Variants in ARPC4 observed in about 807,000 individuals in gnomAD.
ARPC4 encodes the protein actin-related protein 2/3 complex subunit 4.
ARPC4 carries 3 observed loss-of-function variants against 22.8 expected under a neutral mutation model. The observed-to-expected ratio is 0.13, with a 90% CI of 0.06 to 0.34. The LOEUF (loss-of-function observed/expected upper bound fraction) is 0.34. Ranked by LOEUF, ARPC4 falls within the 10% of genes least tolerant of loss-of-function variation. ARPC4 has a pLI of 1.00. For missense variants in ARPC4, 98 were observed against 211.0 expected, an observed-to-expected ratio of 0.46 and a Z score of 3.32; for synonymous variants, 80 against 72.5, an observed-to-expected ratio of 1.10 and a Z score of -0.52.
At chr3:9,792,791 C>G, upstream of ARPC4, 1 of 1,262,022 alleles carries the variant, frequency 7.9e-7, no homozygotes, top group Non-Finnish European at 1.0e-6. Flanking sequence ...ATTTGGTGCC[C>G]AATCTGAAGC....
intron 2 of ARPC4, chr3:9,799,907 C>A: frequency 1.8e-6 from 1 of 566,842 alleles, no homozygotes; most frequent in South Asian, 1.5e-5. Context: ...GAATCAGAGT[C>A]ATTTTACAGA....
rs2079107612 is a variant in ARPC4 at position 9,806,418 on chromosome 3, G to C, written c.*203G>C. 6.2e-6 allele frequency: 4 copies of C among 640,108 alleles called. No individual in the cohort carries two copies. The highest frequency in any genetic ancestry group is 1.8e-5 in the African/African-American group (1 of 55,482). 39.7% of individuals were successfully genotyped at this position (640,108 alleles called of 1,614,324 possible). On this transcript the variant is annotated 3_prime_UTR_variant, in exon 6 of 6. Coordinates refer to ENST00000397261, the MANE Select transcript of ARPC4 (RefSeq NM_005718.5). ...CCCCAAGGCCACACGTGCCTGGTCA[G>C]GCTGGCTTCTGATGTTCAGTCCCCT...
chr3:9,794,393 G>A (rs2078834051), intron 1 of ARPC4, among the ~76,000 whole-genome samples: 1 of 152,158 alleles, frequency 6.6e-6, no homozygotes, highest in South Asian at 2.1e-4. Context: ...CAGCTACTCA[G>A]GAGGCTGAGG....
Position 9,797,762 on chromosome 3 carries a change from C to T in ARPC4, c.107C>T (p.Pro36Leu), listed in dbSNP as rs759934093. The T allele has an allele frequency of 6.2e-7, 1 of 1,613,968 alleles. No homozygotes were observed. Reference protein sequence around the residue: ...SSQVVERHNKPEVEVRSSKEL... With the variant: ...SSQVVERHNKLEVEVRSSKEL... Reference sequence around the variant, plus strand: ...CAGGTTGTGGAACGACACAACAAGCCGGAAGTGGAAGTCAGGTAGGGAAGG... The same window carrying T: ...CAGGTTGTGGAACGACACAACAAGCTGGAAGTGGAAGTCAGGTAGGGAAGG... The change falls in exon 2 of 6, where the codon CCG becomes CTG. Residue 36 changes from proline to leucine, a missense_variant. By Grantham distance (98) the Pro-to-Leu change is moderately conservative. Coordinates refer to ENST00000397261, the MANE Select transcript of ARPC4 (RefSeq NM_005718.5).
chr3:9,802,044 G>A (rs1364879679), intron 4 of ARPC4, among the ~76,000 whole-genome samples: 2 of 151,908 alleles, frequency 1.3e-5, no homozygotes, highest in African/African-American at 4.8e-5. Context: ...TTCAAGACCA[G>A]CCTGGCCAAC....
intron 1 of ARPC4, among the ~76,000 whole-genome samples, chr3:9,794,148 A>T (rs572566266): frequency 7.9e-5 from 12 of 152,026 alleles, no homozygotes; most frequent in Non-Finnish European, 8.8e-5. Flanking sequence ...CATCTGTTTT[A>T]TTCATGAAAG....
chr3:9,796,023 G>T (rs528092616), intron 1 of ARPC4, among the ~76,000 whole-genome samples: 1 of 152,308 alleles, frequency 6.6e-6, no homozygotes, highest in South Asian at 2.1e-4. Flanking sequence ...TTGAACCCGG[G>T]AGGTGGAGGT....
intron 5 of ARPC4, among the ~76,000 whole-genome samples, chr3:9,805,098 A>G (rs2079081852): frequency 6.6e-6 from 1 of 152,184 alleles, no homozygotes; most frequent in Non-Finnish European, 1.5e-5. Flanking sequence ...TATGGCCAGG[A>G]TATTAGGAGG....
At chr3:9,804,110 G>GT in intron 5 of ARPC4, 97 bp downstream of exon 5, 1 of 1,408,944 alleles carries the variant, frequency 7.1e-7, no homozygotes, top group Non-Finnish European at 9.7e-7. Context: ...CAAGCAGTGT[G>GT]TTTATATCTC....
upstream of ARPC4, chr3:9,792,679 A>T: frequency 3.2e-6 from 4 of 1,233,138 alleles, no homozygotes; most frequent in Non-Finnish European, 4.0e-6. Flanking sequence ...CGCTGCAGTT[A>T]GCCCCGCCGA....
chr3:9,799,945 A>G (rs766301223), intron 2 of ARPC4: 12 of 628,720 alleles, frequency 1.9e-5, no homozygotes, highest in Non-Finnish European at 3.2e-5. Flanking sequence ...CAACAGGGTA[A>G]CTTGCCCAAG....
chr3:9,792,947 T>G, upstream of ARPC4: 1 of 1,410,586 alleles, frequency 7.1e-7, no homozygotes, highest in South Asian at 1.5e-5. Context: ...CAGCCCTAGG[T>G]GGAAAACTTC....
upstream of ARPC4, chr3:9,792,719 G>A (rs994592052): frequency 3.2e-6 from 4 of 1,234,472 alleles, no homozygotes; most frequent in African/African-American, 3.1e-5. Context: ...GGAGGGGCGA[G>A]AGAAAGGATG....
chr3:9,800,290 G>C lies in ARPC4; in HGVS notation c.228G>C (p.Val76=). The C allele has an allele frequency of 6.2e-7, 1 of 1,614,062 alleles. No homozygotes were observed. The highest frequency in any genetic ancestry group is 8.5e-7 in the Non-Finnish European group (1 of 1,179,978). ...SINSVRVSIA[V]KQADEIEKIL... ...ACTCTGTCCGGGTCAGCATTGCTGT[G>C]AAACAGGTAAGTTCACCATGGAGGA... is the stretch of plus-strand genomic sequence containing the variant. Residue 76 remains valine (V), a synonymous_variant, in exon 3 of 6, where the codon GTG becomes GTC. Coordinates refer to ENST00000397261, the MANE Select transcript of ARPC4 (RefSeq NM_005718.5).
rs779477855 is a variant in ARPC4 at position 9,803,914 on chromosome 3, T to C, written c.402T>C (p.Phe134=). 1.2e-6 allele frequency: 2 copies of C among 1,614,250 alleles called. No homozygotes were observed. The highest frequency in any genetic ancestry group is 2.2e-5 in the South Asian group (2 of 91,086). ...EQMYKHKLVD[F]VIHFMEEIDK... is the part of the protein sequence containing the mutation. ...TGTACAAACACAAGTTGGTGGACTT[T>C]GTGATCCACTTCATGGAGGAGATTG... Residue 134 remains phenylalanine (F), a synonymous_variant, in exon 5 of 6, where the codon TTT becomes TTC. Transcript: ENST00000397261.
intron 2 of ARPC4, chr3:9,799,811 C>T: frequency 2.2e-6 from 1 of 453,448 alleles, no homozygotes; most frequent in South Asian, 1.6e-5. Flanking sequence ...AAATAGCTAT[C>T]TTTTGTAAAG....
intron 1 of ARPC4, among the ~76,000 whole-genome samples, chr3:9,795,480 G>A (rs2078863074): frequency 6.6e-6 from 1 of 152,044 alleles, no homozygotes; most frequent in African/African-American, 2.4e-5. Flanking sequence ...ACCCCCTTAA[G>A]AGAAAAGCTA....
intron 1 of ARPC4, among the ~76,000 whole-genome samples, chr3:9,794,653 C>T (rs1044003562): frequency 6.6e-6 from 1 of 152,016 alleles, no homozygotes. Flanking sequence ...TGCACTTCAG[C>T]CTGGACAATA....
At chr3:9,793,307 G>A (rs2078796253) in intron 1 of ARPC4, 183 bp downstream of exon 1, 5 of 1,212,278 alleles carry the variant, frequency 4.1e-6, no homozygotes, top group Admixed American at 5.9e-5. Context: ...GGGCGAGTGG[G>A]GGTACTCCCT....
Sources: allele counts gnomAD v4.1 joint callset (sites outside exome capture counted in the v4.1 genomes callset), GRCh38; gene constraint gnomAD v4.1.1; transcripts MANE v1.5; gene names NCBI Gene and HGNC (gene_info 2026-07-23, HGNC 2026-07-21).